AUTS2: variants seen among roughly 807,000 people sequenced by gnomAD.
AUTS2 encodes activator of transcription and developmental regulator AUTS2, also known as autism susceptibility gene 2 protein.
In AUTS2, 17 loss-of-function variants were observed where a neutral mutation model predicts 112.4. The observed-to-expected ratio is 0.15, with a 90% CI of 0.10 to 0.23. The LOEUF (loss-of-function observed/expected upper bound fraction) is 0.23, where lower values mean the gene tolerates loss of function less well. AUTS2 is among the 10% of genes least tolerant of loss of function. AUTS2 has a pLI of 1.00. For missense variants in AUTS2, 1,510 were observed against 1,701.6 expected (o/e 0.89, Z 1.98); for synonymous variants, 751 against 702.7 (o/e 1.07, Z -1.09).
At chr7:70,773,934 T>C in intron 11 of AUTS2, 94 bp from the exon 12 acceptor site, 1 of 1,152,154 alleles carries the variant, frequency 8.7e-7, no homozygotes, top group Non-Finnish European at 1.3e-6. Context: ...ACAAATGAAG[T>C]TTGGCTTCTC....
rs370540678 is a variant in AUTS2, at chr7:70,335,412, C to T, written c.661-100340C>T. On this transcript the variant is annotated intron_variant, in intron 4 of 18. Transcript: ENST00000342771. ...GGCAGCCCTTTCATGGGATTCTGCT[C>T]CCCGAAGTAGTGGGCCCTGACTTAA... Among the ~76,000 whole-genome samples, 23 of 152,274 alleles carry T rather than the reference C, an allele frequency of 1.5e-4. 1 individual carries two copies. In the South Asian group the frequency reaches 3.5e-3, roughly 23 times the overall value.
intron 4 of AUTS2, 116 bp downstream of exon 4, chr7:70,134,687 A>G (rs1806458451): frequency 1.1e-6 from 1 of 940,164 alleles, no homozygotes; most frequent in African/African-American, 1.6e-5. Context: ...AGTCCTAAAG[A>G]GCAGACTGAT....
chr7:69,884,911 G>A (rs886391960), intron 1 of AUTS2, among the ~76,000 whole-genome samples: 2 of 152,178 alleles, frequency 1.3e-5, no homozygotes, highest in African/African-American at 4.8e-5. Flanking sequence ...AGGTCAGTGG[G>A]TATATCTTAA....
chr7:69,675,866 T>C (rs1343029086), intron 1 of AUTS2, among the ~76,000 whole-genome samples: 1 of 152,138 alleles, frequency 6.6e-6, no homozygotes, highest in Non-Finnish European at 1.5e-5. Flanking sequence ...TGTATGTATA[T>C]ATATTCACAT....
At chr7:70,344,688 G>A (rs947652845) in intron 4 of AUTS2, among the ~76,000 whole-genome samples, 7 of 152,180 alleles carry the variant, frequency 4.6e-5, no homozygotes, top group Admixed American at 1.3e-4. Flanking sequence ...TCAAGAATAA[G>A]CAAAGATGAC....
At chr7:69,675,565 G>A (rs922834384) in intron 1 of AUTS2, among the ~76,000 whole-genome samples, 3 of 146,442 alleles carry the variant, frequency 2.0e-5, no homozygotes, top group Non-Finnish European at 4.5e-5. Flanking sequence ...CTGGAGTGCA[G>A]TGGTGTGGTC....
chr7:69,682,568 T>A (rs1796848640), intron 1 of AUTS2, among the ~76,000 whole-genome samples: 1 of 152,240 alleles, frequency 6.6e-6, no homozygotes. Context: ...TCAATACTCA[T>A]ACTCTTAAGG....
rs1791915586 is a variant in AUTS2 at position 70,790,987 on chromosome 7, G to A, written c.3771G>A (p.Glu1257=). Residue 1257 remains glutamate (E), a synonymous_variant, in exon 19 of 19, where the codon GAG becomes GAA. Transcript: ENST00000342771. The surrounding 1 kb of genome is among the most constrained non-coding windows in gnomAD (Gnocchi z 7.6). ...CTTCCCACACGCTGAAGGATATCGA[G>A]GCCCGATAAGCCGAGAACAGGAGCA... ...RPPSHTLKDI[E]AR 6.7e-7 allele frequency: 1 copy of A among 1,497,814 alleles called. No individual in the cohort carries two copies. Among genetic ancestry groups the A allele is most frequent in the African/African-American group, 1.4e-5 (1 of 71,320 alleles). 92.8% of individuals were successfully genotyped at this position (1,497,814 alleles called of 1,614,324 possible).
chr7:70,632,383 G>A (rs1012247722), intron 5 of AUTS2, among the ~76,000 whole-genome samples: 2 of 152,086 alleles, frequency 1.3e-5, no homozygotes, highest in East Asian at 3.9e-4. Flanking sequence ...AGCCCTGCTG[G>A]TTTCTCATTA....
At chr7:70,261,604 A>C (rs1184710601) in intron 4 of AUTS2, among the ~76,000 whole-genome samples, 1 of 152,182 alleles carries the variant, frequency 6.6e-6, no homozygotes, top group Non-Finnish European at 1.5e-5. Flanking sequence ...GTATATCCTG[A>C]TCAAAACATT....
intron 2 of AUTS2, among the ~76,000 whole-genome samples, chr7:69,915,595 T>A (rs1210169596): frequency 6.6e-6 from 1 of 152,250 alleles, no homozygotes; most frequent in Non-Finnish European, 1.5e-5. Flanking sequence ...CAGGAAAGTC[T>A]TATGTTTCTG....
At chr7:69,909,125 C>T (rs1795257643) in intron 2 of AUTS2, among the ~76,000 whole-genome samples, 1 of 152,156 alleles carries the variant, frequency 6.6e-6, no homozygotes, top group African/African-American at 2.4e-5. Flanking sequence ...ATTGTAACAA[C>T]ATATCTTGCG....
intron 5 of AUTS2, among the ~76,000 whole-genome samples, chr7:70,605,763 A>G (rs1210344868): frequency 6.6e-6 from 1 of 152,096 alleles, no homozygotes; most frequent in Non-Finnish European, 1.5e-5. Flanking sequence ...CAGAATTACA[A>G]TTTGAGGAAT....
chr7:70,359,968 A>C (rs984957366), intron 4 of AUTS2, among the ~76,000 whole-genome samples: 3 of 152,208 alleles, frequency 2.0e-5, no homozygotes, highest in Admixed American at 6.5e-5. Flanking sequence ...TGTGTAGCAG[A>C]AGCACGGGTT....
chr7:70,619,145 C>G lies in AUTS2; in HGVS notation c.691-79424C>G, dbSNP rs189264048. 3.9e-3 allele frequency among the ~76,000 whole-genome samples: 596 copies of G among 152,262 alleles called. 3 individuals carry two copies. The highest frequency in any genetic ancestry group is 0.014 in the African/African-American group (562 of 41,562). The stretch of plus-strand genomic sequence containing the variant: ...GCAGACCTTCCCCCCCTCCCCATCC[C>G]CTTGCCGGACTTGGATCAGCAGGAT... On this transcript the variant is annotated intron_variant, in intron 5 of 18. Transcript: ENST00000342771.
chr7:70,561,841 G>A (rs966537482), intron 5 of AUTS2, among the ~76,000 whole-genome samples: 1 of 152,100 alleles, frequency 6.6e-6, no homozygotes, highest in Non-Finnish European at 1.5e-5. Flanking sequence ...TAGGTCACGT[G>A]TTGATAAGGT....
In AUTS2 at chr7:70,792,871, G is replaced by C. The variant is rs1792060430; in HGVS notation, c.*1875G>C. 1 of 152,604 alleles carries C rather than the reference G, an allele frequency of 6.6e-6. No homozygotes were observed. The highest frequency in any genetic ancestry group is 1.5e-5 in the Non-Finnish European group (1 of 68,044). The allele number at this position is 152,604 out of a possible 1,614,324, so 9.5% of individuals were successfully genotyped here. A position where few individuals can be genotyped will look rare whatever the true frequency, so the allele number is the denominator to read the frequency against. Reference sequence around the variant, plus strand: ...CATGTTATTAAAAAATGTGAACTAAGCTTCCAGCTGCTTGTTTGTGTGAGG... The same window carrying C: ...CATGTTATTAAAAAATGTGAACTAACCTTCCAGCTGCTTGTTTGTGTGAGG... On this transcript the variant is annotated 3_prime_UTR_variant, in exon 19 of 19. Transcript: ENST00000342771.
chr7:70,429,737 A>G (rs191542591), intron 4 of AUTS2, among the ~76,000 whole-genome samples: 5 of 152,324 alleles, frequency 3.3e-5, no homozygotes, highest in African/African-American at 1.2e-4. Context: ...TAAATGTATT[A>G]TATATATTTG....
chr7:70,665,529 G>C (rs950612082), intron 5 of AUTS2, among the ~76,000 whole-genome samples: 1 of 151,536 alleles, frequency 6.6e-6, no homozygotes, highest in Admixed American at 6.6e-5. Context: ...CTGAAGTCCT[G>C]GGCTCAAGTG....
Sources: gnomAD v4.1 joint callset for allele counts (sites outside exome capture counted in the v4.1 genomes callset) on GRCh38, gnomAD v4.1.1 for gene constraint, Gnocchi (gnomAD v3.1) non-coding constraint, MANE v1.5 for transcripts, NCBI Gene and HGNC (gene_info 2026-07-23, HGNC 2026-07-21) for gene names.